Variants in LAMA2 observed in about 807,000 individuals in gnomAD.
The protein encoded by LAMA2 is laminin subunit alpha 2, also known as laminin subunit alpha-2.
LAMA2 carries 269 observed loss-of-function variants against 364.8 expected under a neutral mutation model. The ratio of observed to expected loss-of-function variants is 0.74; its 90% CI spans 0.67 to 0.82. LAMA2 has a LOEUF of 0.82. Ranked by LOEUF, LAMA2 falls within the 40% of genes least tolerant of loss-of-function variation. The pLI is 0.00. For missense variants in LAMA2, 3,807 were observed against 3,873.2 expected (o/e 0.98, Z 0.45); for synonymous variants, 1,379 against 1,370.6 (o/e 1.01, Z -0.14).
chr6:129,388,690 C>T (rs1157451732), intron 35 of LAMA2, among the ~76,000 whole-genome samples: 2 of 152,090 alleles, frequency 1.3e-5, no homozygotes, highest in African/African-American at 2.4e-5. Context: ...CACACACACA[C>T]GCGCGCACAC....
chr6:129,434,411 C>T (rs1355350991), intron 41 of LAMA2, among the ~76,000 whole-genome samples: 4 of 152,034 alleles, frequency 2.6e-5, no homozygotes, highest in Non-Finnish European at 4.4e-5. Flanking sequence ...GACTTAAAGA[C>T]GTATGTGTGT....
chr6:129,461,233 A>G (rs1934636482), intron 49 of LAMA2, among the ~76,000 whole-genome samples: 1 of 152,036 alleles, frequency 6.6e-6, no homozygotes, highest in African/African-American at 2.4e-5. Flanking sequence ...TTCCATTTAA[A>G]GGATATACAT....
At chr6:129,348,889 T>A (rs1189621148) in intron 30 of LAMA2, among the ~76,000 whole-genome samples, 1 of 152,190 alleles carries the variant, frequency 6.6e-6, no homozygotes, top group Non-Finnish European at 1.5e-5. Context: ...ATAGATTTTA[T>A]GCCCTTTTTT....
intron 11 of LAMA2, 63 bp downstream of exon 11, chr6:129,190,408 T>C: frequency 6.5e-7 from 1 of 1,544,592 alleles, no homozygotes; most frequent in Non-Finnish European, 8.9e-7. Context: ...CTTTCATCGT[T>C]GTTCTTTTGT....
At chr6:128,994,534 T>A (rs989065951) in intron 1 of LAMA2, among the ~76,000 whole-genome samples, 10 of 152,232 alleles carry the variant, frequency 6.6e-5, no homozygotes, top group African/African-American at 2.4e-4. Flanking sequence ...CTGTATAGGT[T>A]TATCTTTGAA....
intron 34 of LAMA2, among the ~76,000 whole-genome samples, chr6:129,374,898 T>G (rs1778287463): frequency 6.6e-6 from 1 of 151,908 alleles, no homozygotes; most frequent in South Asian, 2.1e-4. Context: ...CTGCCAATCT[T>G]TGTTATGCTC....
intron 22 of LAMA2, among the ~76,000 whole-genome samples, chr6:129,310,490 G>A (rs895400145): frequency 2.0e-5 from 3 of 152,048 alleles, no homozygotes; most frequent in Non-Finnish European, 4.4e-5. Flanking sequence ...TAATAGAACA[G>A]CACCAAAAAG....
chr6:129,169,586 G>A (rs1407240044), intron 9 of LAMA2, among the ~76,000 whole-genome samples: 1 of 151,626 alleles, frequency 6.6e-6, no homozygotes, highest in South Asian at 2.1e-4. Context: ...GAGGATTTTT[G>A]CATCAATGTT....
intron 3 of LAMA2, among the ~76,000 whole-genome samples, chr6:129,069,011 A>C (rs1773126475): frequency 6.6e-6 from 1 of 152,164 alleles, no homozygotes; most frequent in African/African-American, 2.4e-5. Flanking sequence ...ATGAAAATGT[A>C]AACATTTTGG....
intron 12 of LAMA2, among the ~76,000 whole-genome samples, chr6:129,213,602 A>G (rs150469603): frequency 6.6e-6 from 1 of 152,254 alleles, no homozygotes; most frequent in African/African-American, 2.4e-5. Context: ...TCGTTGTTTT[A>G]ATTTGAAATT....
At chr6:129,050,346 A>G (rs1414613879) in intron 2 of LAMA2, among the ~76,000 whole-genome samples, 1 of 152,188 alleles carries the variant, frequency 6.6e-6, no homozygotes, top group Non-Finnish European at 1.5e-5. Flanking sequence ...CTAACTCCAG[A>G]TACCAAAGTG....
At chr6:129,127,200 C>T (rs1255694579) in intron 4 of LAMA2, among the ~76,000 whole-genome samples, 1 of 152,162 alleles carries the variant, frequency 6.6e-6, no homozygotes, top group African/African-American at 2.4e-5. Context: ...AAGTAAAGCC[C>T]ATTCTTTTAA....
chr6:128,979,368 A>G (rs1782729563), intron 1 of LAMA2, among the ~76,000 whole-genome samples: 1 of 152,192 alleles, frequency 6.6e-6, no homozygotes, highest in Admixed American at 6.5e-5. Context: ...GTCAGCAAGC[A>G]TCAGTGTACT....
intron 53 of LAMA2, among the ~76,000 whole-genome samples, chr6:129,475,910 C>G (rs1194535969): frequency 3.9e-5 from 6 of 152,156 alleles, no homozygotes. Context: ...CTTTGCACCT[C>G]TTGTCAAAGC....
chr6:129,299,490 A>G (rs6902957), intron 21 of LAMA2, among the ~76,000 whole-genome samples: 66,750 of 151,934 alleles, frequency 0.44, 15,176 homozygotes, highest in African/African-American at 0.51. Flanking sequence ...AAACTAGCTA[A>G]TTACTCAGGT....
chr6:129,422,181 T>C (rs1431490992), intron 40 of LAMA2, among the ~76,000 whole-genome samples: 1 of 152,056 alleles, frequency 6.6e-6, no homozygotes, highest in Non-Finnish European at 1.5e-5. Context: ...TTATACTATT[T>C]CTACTATATC....
chr6:129,300,687 A>G (rs771856549), intron 21 of LAMA2, 49 bp from the exon 22 acceptor site: 75 of 1,597,410 alleles, frequency 4.7e-5, no homozygotes, highest in Non-Finnish European at 6.3e-5. Context: ...TTTGTGTCAA[A>G]TTTTTACTAT....
intron 34 of LAMA2, among the ~76,000 whole-genome samples, chr6:129,371,681 A>G (rs1778092455): frequency 6.8e-6 from 1 of 147,520 alleles, no homozygotes; most frequent in East Asian, 2.0e-4. Context: ...ATCTTGGCTC[A>G]CTGCAACCTC....
intron 27 of LAMA2, among the ~76,000 whole-genome samples, chr6:129,319,016 G>T (rs1428917264): frequency 6.6e-6 from 1 of 152,108 alleles, no homozygotes; most frequent in Non-Finnish European, 1.5e-5. Context: ...TTTCAATTAT[G>T]ATTTTCTTTT....
Sources: gnomAD v4.1 joint callset for allele counts (sites outside exome capture counted in the v4.1 genomes callset) on GRCh38, gnomAD v4.1.1 for gene constraint, MANE v1.5 for transcripts, NCBI Gene and HGNC (gene_info 2026-07-23, HGNC 2026-07-21) for gene names.